Variants in RINL observed in about 807,000 individuals in gnomAD.
RINL encodes the protein Ras and Rab interactor like, also known as ras and Rab interactor-like protein.
A neutral mutation model predicts 58.1 loss-of-function variants in RINL; 39 were observed. The ratio of observed to expected loss-of-function variants is 0.67; its 90% CI spans 0.52 to 0.88. RINL has a LOEUF of 0.88. Among genes scored for constraint, RINL ranks in the 40% least tolerant of loss-of-function variants. The pLI is 0.00. For synonymous variants in RINL, 286 were observed against 323.1 expected, an observed-to-expected ratio of 0.89 and a Z score of 1.23; for missense variants, 711 against 749.2, an observed-to-expected ratio of 0.95 and a Z score of 0.60.
rs752978765 is a variant in RINL at position 38,870,059 on chromosome 19, C to A, written c.1226G>T (p.Arg409Leu). 5.2e-6 allele frequency: 8 copies of A among 1,532,312 alleles called. No homozygotes were observed. The East Asian group carries it at 1.5e-4, about 30-fold the overall frequency. 94.9% of individuals were successfully genotyped at this position (1,532,312 alleles called of 1,614,324 possible). The change falls in exon 9 of 12, where the codon CGC becomes CTC. Residue 409 changes from arginine (R) to leucine (L), a missense_variant. By Grantham distance (102) the Arg-to-Leu change is moderately radical. Transcript: ENST00000591812. This position sits in a 1 kb window ranked among gnomAD's most constrained non-coding sequence, Gnocchi z 5.8. The part of the protein sequence containing the change: ...GQSPAPALRS[R>L]IHERLAHLHA... ...GAGGTGCGCAAGGCGCTCGTGGATG[C>A]GGCTCCGCAAGGCGGGGGCGGGGCT...
At chr19:38,876,304 G>A (rs1222112215) in intron 3 of RINL, 27 bp downstream of exon 3, 1 of 1,526,974 alleles carries the variant, frequency 6.5e-7, no homozygotes, top group Admixed American at 2.0e-5. Flanking sequence ...AGGGTGTCAG[G>A]ATGGGCCCCC....
rs1972760516 is a variant in RINL, at chr19:38,869,901, C to G, written c.1342+42G>C. ...CCCTCTCCCGCCTGGCTCCAACTCT[C>G]AAGGCTCTCCCCACCACGCTAGACG... On this transcript the variant is annotated intron_variant, in intron 9 of 11. Coordinates refer to ENST00000591812, the MANE Select transcript of RINL (RefSeq NM_001195833.2). The surrounding 1 kb of genome is among the most constrained non-coding windows in gnomAD (Gnocchi z 5.7). 6.4e-7 allele frequency: 1 copy of G among 1,557,858 alleles called. No individual in the cohort carries two copies. The highest frequency in any genetic ancestry group is 8.7e-7 in the Non-Finnish European group (1 of 1,154,342).
rs1211448522 is a variant in RINL at position 38,869,438 on chromosome 19, G to T, written c.1475-28C>A. On this transcript the variant is annotated intron_variant, in intron 10 of 11. Transcript: ENST00000591812. The surrounding 1 kb of genome is among the most constrained non-coding windows in gnomAD (Gnocchi z 5.7). ...GGGGACAGAAAGGGAAGTCAGCTCC[G>T]CCCTCTCGGCTTCCCTGGTCGCCCC... is the stretch of plus-strand genomic sequence containing the variant. 6.3e-7 allele frequency: 1 copy of T among 1,577,800 alleles called. No individual in the cohort carries two copies. Among genetic ancestry groups the T allele is most frequent in the Non-Finnish European group, 8.6e-7 (1 of 1,159,182 alleles).
chr19:38,871,477 C>G, intron 6 of RINL, 170 bp downstream of exon 6: 1 of 702,362 alleles, frequency 1.4e-6, no homozygotes, highest in Non-Finnish European at 2.4e-6. Flanking sequence ...ATACAGGCCC[C>G]CATCCCCTCC....
At position 38,868,499 on chromosome 19, in the gene RINL, T is replaced by C. The variant is rs1486801696; in HGVS notation, c.*605A>G. On this transcript the variant is annotated 3_prime_UTR_variant, in exon 12 of 12. Coordinates refer to ENST00000591812, the MANE Select transcript of RINL (RefSeq NM_001195833.2). ...AATTTTAAAAATTAGACAGGCACGG[T>C]GGTAGGTGCCTGTAGTCTCAGCTAC... 1 of 151,718 alleles carries C rather than the reference T, an allele frequency of 6.6e-6. No homozygotes were observed. 9.4% of individuals were successfully genotyped at this position (151,718 alleles called of 1,614,324 possible). A position where few individuals can be genotyped will look rare whatever the true frequency, so the allele number is the denominator to read the frequency against.
rs1161834942 is a variant in RINL at position 38,871,713 on chromosome 19, T to C, written c.387-2A>G. On this transcript the variant is annotated splice_acceptor_variant, in intron 5 of 11. Coordinates refer to ENST00000591812, the MANE Select transcript of RINL (RefSeq NM_001195833.2). LOFTEE classifies it high-confidence loss of function. ...AGCAGGGTTCTGGGCAGAACATCCC[T>C]GAGAATAAAGAGGTGGGAGCCACAG... is the stretch of plus-strand genomic sequence containing the variant. The C allele has an allele frequency of 6.2e-7, 1 of 1,613,864 alleles. No individual in the cohort carries two copies. The highest frequency in any genetic ancestry group is 1.1e-5 in the South Asian group (1 of 91,068).
At chr19:38,874,663 G>C (rs563157535) in intron 3 of RINL, among the ~76,000 whole-genome samples, 1 of 152,320 alleles carries the variant, frequency 6.6e-6, no homozygotes, top group Non-Finnish European at 1.5e-5. Flanking sequence ...CCCTCCTGAG[G>C]AGGAAGCTGT....
In RINL at chr19:38,871,489, C is replaced by T. The variant is rs372738414; in HGVS notation, c.451+158G>A. 131 of 726,834 alleles carry T rather than the reference C, an allele frequency of 1.8e-4. 1 individual carries two copies. In the East Asian group the frequency reaches 3.0e-3, roughly 17 times the overall value. 45.0% of individuals were successfully genotyped at this position (726,834 alleles called of 1,614,324 possible). The stretch of plus-strand genomic sequence containing the variant: ...GGAATACAGGCCCCCATCCCCTCCT[C>T]CCTCTGGGACTACAAAGTCCAGGCC... On this transcript the variant is annotated intron_variant, in intron 6 of 11. Transcript: ENST00000591812.
chr19:38,870,276 G>A lies in RINL; in HGVS notation c.1025-16C>T. On this transcript the variant is annotated splice_polypyrimidine_tract_variant and intron_variant, in intron 8 of 11. Coordinates refer to ENST00000591812, the MANE Select transcript of RINL (RefSeq NM_001195833.2). This position sits in a 1 kb window ranked among gnomAD's most constrained non-coding sequence, Gnocchi z 5.8. ...AGCGCGGGGCCTGCGGGGTGTGGGGGACGGGTGAGCACAGGACCGCCAAGT... is the reference window on the plus strand; with the variant it reads ...AGCGCGGGGCCTGCGGGGTGTGGGGAACGGGTGAGCACAGGACCGCCAAGT... 1 of 1,381,576 alleles carries A rather than the reference G, an allele frequency of 7.2e-7. No homozygotes were observed. Among genetic ancestry groups the A allele is most frequent in the Non-Finnish European group, 9.3e-7 (1 of 1,073,978 alleles). The allele number at this position is 1,381,576 out of a possible 1,614,324, so 85.6% of individuals were successfully genotyped here.
chr19:38,873,025 G>T (rs1169596276), intron 4 of RINL, among the ~76,000 whole-genome samples: 1 of 152,080 alleles, frequency 6.6e-6, no homozygotes, highest in Non-Finnish European at 1.5e-5. Context: ...TTGAGATTGG[G>T]CCACTGCACT....
chr19:38,871,319 A>G (rs1972810604), intron 6 of RINL, 92 bp from the exon 7 acceptor site: 4 of 1,416,750 alleles, frequency 2.8e-6, no homozygotes, highest in Non-Finnish European at 3.0e-6. Flanking sequence ...TCCCAGCTTC[A>G]TTGCTGGAGG....
At chr19:38,872,927 G>T (rs1184868034) in intron 4 of RINL, among the ~76,000 whole-genome samples, 2 of 146,432 alleles carry the variant, frequency 1.4e-5, no homozygotes, top group African/African-American at 5.3e-5. Flanking sequence ...TTAGTCATGT[G>T]TGGTGGTGTG....
At position 38,871,789 on chromosome 19, in the gene RINL, G is replaced by T; in HGVS notation, c.386+9C>A. 6.2e-7 allele frequency: 1 copy of T among 1,613,966 alleles called. No homozygotes were observed. The highest frequency in any genetic ancestry group is 1.1e-5 in the South Asian group (1 of 91,064). On this transcript the variant is annotated intron_variant, in intron 5 of 11. Coordinates refer to ENST00000591812, the MANE Select transcript of RINL (RefSeq NM_001195833.2). ...GTCCCCCTTAGTGCCTCAGATGGGT[G>T]ACCTGTACCTGCTGGCTGATAGAAA...
chr19:38,870,527 C>T lies in RINL; in HGVS notation c.1024+43G>A. 1 of 1,511,896 alleles carries T rather than the reference C, an allele frequency of 6.6e-7. No individual in the cohort carries two copies. The highest frequency in any genetic ancestry group is 8.8e-7 in the Non-Finnish European group (1 of 1,131,270). 93.7% of individuals were successfully genotyped at this position (1,511,896 alleles called of 1,614,324 possible). ...CGCACCGATGGAGAGGACGAAGTTG[C>T]ACACTTGAACCCGTGGGGGCTCCCT... On this transcript the variant is annotated intron_variant, in intron 8 of 11. Coordinates refer to ENST00000591812, the MANE Select transcript of RINL (RefSeq NM_001195833.2). The surrounding 1 kb of genome is among the most constrained non-coding windows in gnomAD (Gnocchi z 5.8).
At chr19:38,871,531 C>T (rs1292806889) in intron 6 of RINL, 116 bp downstream of exon 6, 6 of 978,862 alleles carry the variant, frequency 6.1e-6, no homozygotes, top group Non-Finnish European at 9.3e-6. Context: ...TCTCTCTAGT[C>T]TCCAGTTCTA....
intron 3 of RINL, among the ~76,000 whole-genome samples, chr19:38,875,816 A>G (rs890654824): frequency 6.6e-6 from 1 of 152,238 alleles, no homozygotes; most frequent in Non-Finnish European, 1.5e-5. Context: ...AGAGAAGTCC[A>G]AGAGAATTAT....
At position 38,876,412 on chromosome 19, in the gene RINL, C is replaced by T. The variant is rs1972926894; in HGVS notation, c.129G>A (p.Leu43=). The part of the protein sequence containing the change: ...VLSTLEPLTR[L]QRTWGVWHVP... ...CATGCCACACCCCCCATGTCCTCTG[C>T]AGGCGAGTAAGTGGCTCTAGGGTGC... Residue 43 remains leucine (L), a synonymous_variant, in exon 3 of 12, where the codon CTG becomes CTA. Coordinates refer to ENST00000591812, the MANE Select transcript of RINL (RefSeq NM_001195833.2). The T allele has an allele frequency of 1.3e-6, 2 of 1,536,136 alleles. No individual in the cohort carries two copies. Among genetic ancestry groups the T allele is most frequent in the South Asian group, 1.2e-5 (1 of 84,062 alleles).
chr19:38,876,434 G>T lies in RINL; in HGVS notation c.107C>A (p.Thr36Asn). 6.5e-7 allele frequency: 1 copy of T among 1,536,050 alleles called. No homozygotes were observed. Among genetic ancestry groups the T allele is most frequent in the South Asian group, 1.2e-5 (1 of 84,064 alleles). Residue 36 changes from threonine (T) to asparagine (N), a missense_variant, in exon 3 of 12, where the codon ACC becomes AAC. Physicochemically the swap from Thr to Asn is moderately conservative, Grantham distance 65. Transcript: ENST00000591812. ...ADRTPLGVLS[T>N]LEPLTRLQRT... ...CTGCAGGCGAGTAAGTGGCTCTAGGGTGCTGAGGACCCCTAGAGGGGTCCT... is the reference window on the plus strand; with the variant it reads ...CTGCAGGCGAGTAAGTGGCTCTAGGTTGCTGAGGACCCCTAGAGGGGTCCT...
chr19:38,870,813 T>C lies in RINL; in HGVS notation c.781A>G (p.Ile261Val). The C allele has an allele frequency of 6.2e-7, 1 of 1,611,354 alleles. No homozygotes were observed. The highest frequency in any genetic ancestry group is 8.5e-7 in the Non-Finnish European group (1 of 1,179,996). ...GCCCTGACCAGAGACTGGACGTGAA[T>C]GGTGAGCACGTCCTCAGGGCCTTCC... ...EEEGPEDVLT[I>V]HVQSLVRARS... The change falls in exon 8 of 12, where the codon ATT becomes GTT. Residue 261 changes from isoleucine to valine, a missense_variant. By Grantham distance (29) the Ile-to-Val change is conservative. Transcript: ENST00000591812. This position sits in a 1 kb window ranked among gnomAD's most constrained non-coding sequence, Gnocchi z 5.8.
Sources: allele counts gnomAD v4.1 joint callset (sites outside exome capture counted in the v4.1 genomes callset), GRCh38; gene constraint gnomAD v4.1.1; non-coding constraint Gnocchi (gnomAD v3.1); transcripts MANE v1.5; gene names NCBI Gene and HGNC (gene_info 2026-07-23, HGNC 2026-07-21).